RHBDD1: variants seen among roughly 807,000 people sequenced by gnomAD.
The protein encoded by RHBDD1 is rhomboid domain containing 1.
In RHBDD1, 38 loss-of-function variants were observed where a neutral mutation model predicts 36.3. The ratio of observed to expected loss-of-function variants is 1.05; its 90% CI spans 0.81 to 1.37. RHBDD1 has a LOEUF of 1.37. Among genes scored for constraint, RHBDD1 ranks in the 40% most tolerant of loss-of-function variants. RHBDD1 has a pLI of 0.00. For missense variants in RHBDD1, 393 were observed against 377.6 expected (o/e 1.04, Z -0.34); for synonymous variants, 151 against 136.5 (o/e 1.11, Z -0.74).
chr2:226,934,677 G>T (rs1289008139), intron 8 of RHBDD1, among the ~76,000 whole-genome samples: 1 of 151,906 alleles, frequency 6.6e-6, no homozygotes, highest in Non-Finnish European at 1.5e-5. Flanking sequence ...TGTTCTGTTG[G>T]CAGTCTCAGC....
intron 6 of RHBDD1, chr2:226,908,556 G>A: frequency 2.5e-6 from 1 of 408,132 alleles, no homozygotes; most frequent in Non-Finnish European, 4.4e-6. Flanking sequence ...ACTTCAGTGA[G>A]TGTAAATTAG....
chr2:226,808,903 C>T, the RHBDD1 span, among the ~76,000 whole-genome samples: 1 of 151,858 alleles, frequency 6.6e-6, no homozygotes, highest in African/African-American at 2.4e-5. Context: ...TTTTAAACTA[C>T]CACAGATTGA....
the RHBDD1 span, among the ~76,000 whole-genome samples, chr2:226,811,301 T>C: frequency 6.6e-6 from 1 of 151,842 alleles, no homozygotes; most frequent in Non-Finnish European, 1.5e-5. Flanking sequence ...TAAAATTGTT[T>C]TTATTTTTCT....
intron 8 of RHBDD1, among the ~76,000 whole-genome samples, chr2:226,992,868 G>T (rs1958569618): frequency 6.6e-6 from 1 of 152,164 alleles, no homozygotes; most frequent in Non-Finnish European, 1.5e-5. Context: ...GACCTCAGAT[G>T]TGTCCCTAAC....
intron 8 of RHBDD1, among the ~76,000 whole-genome samples, chr2:226,957,547 A>G (rs1391575241): frequency 6.7e-6 from 1 of 148,768 alleles, no homozygotes; most frequent in African/African-American, 2.5e-5. Flanking sequence ...TTGAAGTGAG[A>G]CCTACTCTCT....
At chr2:226,878,911 A>G (rs918477624) in intron 5 of RHBDD1, among the ~76,000 whole-genome samples, 1 of 152,130 alleles carries the variant, frequency 6.6e-6, no homozygotes, top group African/African-American at 2.4e-5. Flanking sequence ...GAAGGGAGTG[A>G]AAGAGTCTTG....
intron 8 of RHBDD1, among the ~76,000 whole-genome samples, chr2:226,981,869 C>G (rs1391966395): frequency 2.0e-5 from 3 of 152,154 alleles, no homozygotes; most frequent in Non-Finnish European, 4.4e-5. Flanking sequence ...GTGCATTTCT[C>G]CAGATGGCTT....
chr2:226,977,624 G>A (rs985145119), intron 8 of RHBDD1, among the ~76,000 whole-genome samples: 1 of 152,214 alleles, frequency 6.6e-6, no homozygotes, highest in Non-Finnish European at 1.5e-5. Context: ...TGCACAGGGA[G>A]AAGCATAATA....
rs1048617222 is a variant in RHBDD1 at position 226,884,316 on chromosome 2, T to G, written c.566+16998T>G. 4.6e-5 allele frequency among the ~76,000 whole-genome samples: 7 copies of G among 152,198 alleles called. 1 individual carries two copies. The South Asian group carries it at 1.2e-3, about 27-fold the overall frequency. On this transcript the variant is annotated intron_variant, in intron 5 of 8. Coordinates refer to ENST00000392062, the MANE Select transcript of RHBDD1 (RefSeq NM_001167608.3). ...TTCAAATTATGTAAAATGAAGACAG[T>G]TGGGGCTATGAGTTGAAATCATTAG...
chr2:226,987,240 C>T (rs1392933854), intron 8 of RHBDD1, among the ~76,000 whole-genome samples: 8 of 152,008 alleles, frequency 5.3e-5, no homozygotes, highest in Non-Finnish European at 1.2e-4. Flanking sequence ...GGGCTTATAA[C>T]GAGATGACAG....
intron 8 of RHBDD1, among the ~76,000 whole-genome samples, chr2:226,976,065 A>G (rs761398063): frequency 1.3e-5 from 2 of 151,624 alleles, no homozygotes; most frequent in Non-Finnish European, 2.9e-5. Context: ...TTTGGAGACT[A>G]TGTGCAGTAT....
chr2:226,941,245 C>T (rs1007457198), intron 8 of RHBDD1, among the ~76,000 whole-genome samples: 3 of 152,190 alleles, frequency 2.0e-5, no homozygotes, highest in South Asian at 4.1e-4. Flanking sequence ...GGATTACAGG[C>T]GTGAGCCACC....
chr2:226,931,988 T>G (rs1283749651), intron 8 of RHBDD1, among the ~76,000 whole-genome samples: 2 of 152,146 alleles, frequency 1.3e-5, no homozygotes, highest in South Asian at 2.1e-4. Context: ...TACTTAGGTC[T>G]TCTTTGATTT....
intron 3 of RHBDD1, among the ~76,000 whole-genome samples, chr2:226,857,265 C>T (rs1209575197): frequency 6.6e-6 from 1 of 151,882 alleles, no homozygotes; most frequent in Non-Finnish European, 1.5e-5. Context: ...AGGATGGCTA[C>T]AGTAAAAAAA....
rs146032657 is a variant in RHBDD1 at position 226,942,891 on chromosome 2, A to G, written c.856+28540A>G. On this transcript the variant is annotated intron_variant, in intron 8 of 8. Transcript: ENST00000392062. The stretch of plus-strand genomic sequence containing the variant: ...GTGTGCCTTAAGACATCACAATTTT[A>G]TGTTGAGCTATTTCCCATTACTCCA... Among the ~76,000 whole-genome samples the G allele has an allele frequency of 5.4e-3, 826 of 152,342 alleles. 6 individuals are homozygous for G. The highest frequency in any genetic ancestry group is 0.043 in the South Asian group (207 of 4,834).
chr2:226,968,722 T>G (rs1473498584), intron 8 of RHBDD1, among the ~76,000 whole-genome samples: 2 of 152,196 alleles, frequency 1.3e-5, no homozygotes, highest in African/African-American at 4.8e-5. Context: ...GCAGTTGGCA[T>G]TCTAGAGGGG....
intron 5 of RHBDD1, among the ~76,000 whole-genome samples, chr2:226,887,620 C>G (rs1160183623): frequency 2.6e-5 from 4 of 152,210 alleles, no homozygotes; most frequent in African/African-American, 9.7e-5. Flanking sequence ...TAATGAAAGA[C>G]AGTGTGTACA....
chr2:226,855,109 T>C (rs545915123), intron 3 of RHBDD1, among the ~76,000 whole-genome samples: 54 of 152,222 alleles, frequency 3.5e-4, no homozygotes, highest in Non-Finnish European at 6.6e-4. Context: ...ATAAAGGACA[T>C]CTGGACATTA....
chr2:226,896,553 T>C (rs59904960), intron 5 of RHBDD1, among the ~76,000 whole-genome samples: 74,067 of 151,966 alleles, frequency 0.49, 19,050 homozygotes, highest in African/African-American at 0.67. Context: ...ACTACATTAT[T>C]CTCCTTACCT....
Sources: allele counts gnomAD v4.1 joint callset (sites outside exome capture counted in the v4.1 genomes callset), GRCh38; gene constraint gnomAD v4.1.1; transcripts MANE v1.5; gene names NCBI Gene and HGNC (gene_info 2026-07-23, HGNC 2026-07-21).